FAS: variants seen among roughly 807,000 people sequenced by gnomAD.
The protein encoded by FAS is tumor necrosis factor receptor superfamily member 6.
In FAS, 5 loss-of-function variants were observed where a neutral mutation model predicts 33.2. The observed-to-expected ratio is 0.15, with a 90% confidence interval of 0.08 to 0.32. FAS has a LOEUF of 0.32. Ranked by LOEUF, FAS falls within the 10% of genes least tolerant of loss-of-function variation. The probability of loss-of-function intolerance (pLI) is 1.00; values close to 1 mark genes in which losing one functional copy is unlikely to be tolerated. For missense variants in FAS, 339 were observed against 386.0 expected (o/e 0.88, Z 1.02); for synonymous variants, 131 against 130.7 (o/e 1.00, Z -0.01).
Position 89,015,695 on chromosome 10 carries a change from A to C in FAS, c.*1245A>C, listed in dbSNP as rs1314785475. Reference sequence around the variant, plus strand: ...GAAGCAGATACCTGGAACCACCTAAAGAACTTCCATTTATGGAGGATTTTT... The same window carrying C: ...GAAGCAGATACCTGGAACCACCTAACGAACTTCCATTTATGGAGGATTTTT... On this transcript the variant is annotated 3_prime_UTR_variant, in exon 9 of 9. Transcript: ENST00000652046. 2.0e-6 allele frequency: 1 copy of C among 498,702 alleles called. No individual in the cohort carries two copies. The highest frequency in any genetic ancestry group is 3.8e-6 in the Non-Finnish European group (1 of 260,194). The allele number at this position is 498,702 out of a possible 1,614,324, so 30.9% of individuals were successfully genotyped here.
chr10:88,966,738 C>G (rs943125497), intron 1 of FAS, among the ~76,000 whole-genome samples: 1 of 152,202 alleles, frequency 6.6e-6, no homozygotes, highest in Non-Finnish European at 1.5e-5. Flanking sequence ...CCAGCCACCA[C>G]TTTTCAGGGC....
chr10:89,016,825 T>G lies in FAS; in HGVS notation c.*2375T>G, dbSNP rs1217623709. 4.7e-6 allele frequency: 1 copy of G among 212,000 alleles called. No individual in the cohort carries two copies. Among genetic ancestry groups the G allele is most frequent in the Non-Finnish European group, 9.6e-6 (1 of 104,634 alleles). 13.1% of individuals were successfully genotyped at this position (212,000 alleles called of 1,614,324 possible). A position where few individuals can be genotyped will look rare whatever the true frequency, so the allele number is the denominator to read the frequency against. ...AGCATTGCATATTCAAACATCTTGG[T>G]CTTCTTTATTGGCATGCCCACAGGG... On this transcript the variant is annotated 3_prime_UTR_variant, in exon 9 of 9. Coordinates refer to ENST00000652046, the MANE Select transcript of FAS (RefSeq NM_000043.6).
At chr10:88,976,138 T>C (rs77390431) in intron 2 of FAS, among the ~76,000 whole-genome samples, 14,495 of 152,176 alleles carry the variant, frequency 0.095, 829 homozygotes, top group Non-Finnish European at 0.14. Context: ...CTGGGCCACA[T>C]TGGAAGACTA....
intron 8 of FAS, 138 bp from the exon 9 acceptor site, chr10:89,013,981 T>G: frequency 1.2e-6 from 1 of 832,592 alleles, no homozygotes; most frequent in African/African-American, 1.7e-5. Flanking sequence ...TGTTTCTGTA[T>G]TCCCCTAGTC....
intron 1 of FAS, chr10:89,002,730 TGTAA>T: frequency 2.5e-6 from 1 of 401,976 alleles, no homozygotes; most frequent in South Asian, 2.3e-5. Context: ...ACTTGGAGAA[TGTAA>T]GTGATTTTAC....
intron 1 of FAS, among the ~76,000 whole-genome samples, chr10:89,002,201 T>A (rs1407145567): frequency 6.6e-6 from 1 of 152,226 alleles, no homozygotes; most frequent in Non-Finnish European, 1.5e-5. Context: ...GAGTAAAATA[T>A]TTAGGAAACT....
intron 1 of FAS, among the ~76,000 whole-genome samples, chr10:88,970,799 C>T (rs1164166598): frequency 1.3e-5 from 2 of 152,032 alleles, no homozygotes; most frequent in Non-Finnish European, 2.9e-5. Flanking sequence ...AGCACACCAA[C>T]ATGGCACGTG....
intron 1 of FAS, among the ~76,000 whole-genome samples, chr10:88,966,389 G>T (rs941779788): frequency 2.6e-5 from 4 of 152,174 alleles, no homozygotes; most frequent in African/African-American, 9.6e-5. Flanking sequence ...CTGATTGTCT[G>T]TGTGGCTTTG....
At chr10:88,981,152 G>A (rs1280289689) in intron 2 of FAS, among the ~76,000 whole-genome samples, 1 of 152,176 alleles carries the variant, frequency 6.6e-6, no homozygotes, top group Non-Finnish European at 1.5e-5. Flanking sequence ...TGTTCAGTGT[G>A]GAGCCTCCAG....
Position 89,003,121 on chromosome 10 carries a change from T to A in FAS, c.123T>A (p.Val41=). Residue 41 remains valine, a synonymous_variant, in exon 2 of 9, where the codon GTT becomes GTA. Coordinates refer to ENST00000652046, the MANE Select transcript of FAS (RefSeq NM_000043.6). ...NSKGLELRKT[V]TTVETQNLEG... is the part of the protein sequence containing the mutation. ...AGGGATTGGAATTGAGGAAGACTGT[T>A]ACTACAGTTGAGACTCAGAACTTGG... 6.2e-7 allele frequency: 1 copy of A among 1,614,208 alleles called. No homozygotes were observed. The highest frequency in any genetic ancestry group is 8.5e-7 in the Non-Finnish European group (1 of 1,180,002).
chr10:88,982,522 G>T (rs928880791), upstream of FAS, among the ~76,000 whole-genome samples: 1 of 152,144 alleles, frequency 6.6e-6, no homozygotes, highest in African/African-American at 2.4e-5. Flanking sequence ...AATAAAAAAG[G>T]CAGAGATTCA....
intron 1 of FAS, among the ~76,000 whole-genome samples, chr10:89,002,076 G>A (rs909765733): frequency 2.6e-5 from 4 of 152,180 alleles, no homozygotes; most frequent in African/African-American, 7.2e-5. Flanking sequence ...GGTTCTTAGC[G>A]AATTCTTGCC....
At chr10:88,982,124 G>A (rs1450458603), upstream of FAS, among the ~76,000 whole-genome samples, 2 of 152,212 alleles carry the variant, frequency 1.3e-5, no homozygotes, top group African/African-American at 4.8e-5. Flanking sequence ...TCAAACCCCA[G>A]CTCTACAGCT....
intron 2 of FAS, among the ~76,000 whole-genome samples, chr10:88,980,545 A>C (rs1846685440): frequency 1.4e-5 from 2 of 145,924 alleles, no homozygotes. Flanking sequence ...CCAGGAAGGC[A>C]AGGAATGTTC....
chr10:88,990,939 C>T lies in FAS; in HGVS notation c.30+33C>T. 1 of 1,614,100 alleles carries T rather than the reference C, an allele frequency of 6.2e-7. No individual in the cohort carries two copies. The highest frequency in any genetic ancestry group is 1.7e-5 in the Admixed American group (1 of 60,026). On this transcript the variant is annotated intron_variant, in intron 1 of 8. Transcript: ENST00000652046. The surrounding 1 kb of genome is among the most constrained non-coding windows in gnomAD (Gnocchi z 4.9). ...CTCTCCTGCCCGGGTGGAGGCTTAC[C>T]CCGTCTTAGTCCCGGGGATAGGCAA...
intron 1 of FAS, among the ~76,000 whole-genome samples, chr10:88,970,895 G>A (rs142838717): frequency 0.1 from 15,095 of 143,958 alleles, 858 homozygotes; most frequent in Non-Finnish European, 0.14. Context: ...GTGTGTGTGT[G>A]TGTATATATA....
At position 89,014,316 on chromosome 10, in the gene FAS, G is replaced by C. The variant is rs763414304; in HGVS notation, c.874G>C (p.Asp292His). ...HQLHGKKEAY[D>H]TLIKDLKKAN... Reference sequence around the variant, plus strand: ...ACTTCATGGAAAGAAAGAAGCGTATGACACATTGATTAAAGATCTCAAAAA... The same window carrying C: ...ACTTCATGGAAAGAAAGAAGCGTATCACACATTGATTAAAGATCTCAAAAA... Residue 292 changes from aspartate (D) to histidine (H), a missense_variant, in exon 9 of 9, where the codon GAC becomes CAC. Physicochemically the swap from Asp to His is moderately conservative, Grantham distance 81. Transcript: ENST00000652046. The C allele has an allele frequency of 2.7e-5, 43 of 1,613,784 alleles. No homozygotes were observed. The highest frequency in any genetic ancestry group is 3.5e-5 in the Non-Finnish European group (41 of 1,179,924).
In FAS at chr10:88,977,152, A is replaced by T. The variant is rs144778757; in HGVS notation, n.260+3805A>T. On this transcript the variant is annotated intron_variant and non_coding_transcript_variant, in intron 2 of 3. Transcript: ENST00000688239. The stretch of plus-strand genomic sequence containing the variant: ...GATGGTAGTTTCTTTTGCTGTGCAG[A>T]AGCTCTGTAGTTTAATTAGATCCCA... Among the ~76,000 whole-genome samples, 1,092 of 152,084 alleles carry T rather than the reference A, an allele frequency of 7.2e-3. 20 individuals carry two copies. The East Asian group carries it at 0.1, about 14-fold the overall frequency.
rs960102667 is a variant in FAS at position 89,008,889 on chromosome 10, G to C, written c.335G>C (p.Gly112Ala). Residue 112 changes from glycine (G) to alanine (A), a missense_variant and splice_region_variant, in exon 4 of 9, where the codon GGC (glycine) becomes GCC (alanine). Gly to Ala is a moderately conservative substitution (Grantham distance 60). Coordinates refer to ENST00000652046, the MANE Select transcript of FAS (RefSeq NM_000043.6). ...RRCRLCDEGHGLEVEINCTRT... is the reference protein window; with the variant it reads ...RRCRLCDEGHALEVEINCTRT... Reference sequence around the variant, plus strand: ...AATAGTTTCCAAACTGATTTTCTAGGCTTAGAAGTGGAAATAAACTGCACC... The same window carrying C: ...AATAGTTTCCAAACTGATTTTCTAGCCTTAGAAGTGGAAATAAACTGCACC... The C allele has an allele frequency of 6.2e-6, 10 of 1,613,656 alleles. No individual in the cohort carries two copies. Among genetic ancestry groups the C allele is most frequent in the Non-Finnish European group, 6.8e-6 (8 of 1,179,752 alleles).
Sources: allele counts gnomAD v4.1 joint callset (sites outside exome capture counted in the v4.1 genomes callset), GRCh38; gene constraint gnomAD v4.1.1; non-coding constraint Gnocchi (gnomAD v3.1); transcripts MANE v1.5; gene names NCBI Gene and HGNC (gene_info 2026-07-23, HGNC 2026-07-21).